RAB38: variants seen among roughly 807,000 people sequenced by gnomAD.
RAB38 encodes the protein ras-related protein Rab-38.
RAB38 carries 15 observed loss-of-function variants against 18.4 expected under a neutral mutation model. That is an observed-to-expected ratio of 0.82 (90% CI 0.55 to 1.26). The LOEUF is 1.26. RAB38 is among the 50% of genes most tolerant of loss of function. RAB38 has a pLI of 0.00. For missense variants in RAB38, 294 were observed against 267.4 expected (o/e 1.10, Z -0.69); for synonymous variants, 101 against 104.4 (o/e 0.97, Z 0.20).
At chr11:87,931,818 G>T in the RAB38 span, among the ~76,000 whole-genome samples, 6 of 151,862 alleles carry the variant, frequency 4.0e-5, no homozygotes, top group Admixed American at 3.9e-4. Context: ...TTTAAGTGTG[G>T]ACAAGAACAA....
the RAB38 span, among the ~76,000 whole-genome samples, chr11:87,933,918 T>C: frequency 1.3e-5 from 2 of 152,086 alleles, no homozygotes; most frequent in Non-Finnish European, 1.5e-5. Context: ...GAGAAAAACC[T>C]GGAACATGGC....
chr11:87,959,644 C>A, the RAB38 span, among the ~76,000 whole-genome samples: 2 of 152,292 alleles, frequency 1.3e-5, no homozygotes, highest in South Asian at 2.1e-4. Context: ...GCCAAATATC[C>A]AGGTTCTCAC....
At chr11:87,976,754 A>G in the RAB38 span, among the ~76,000 whole-genome samples, 2 of 115,818 alleles carry the variant, frequency 1.7e-5, no homozygotes, top group Non-Finnish European at 3.3e-5. Flanking sequence ...ATATATTTAT[A>G]TATATTTCAC....
chr11:87,971,129 C>T, the RAB38 span, among the ~76,000 whole-genome samples: 12 of 152,124 alleles, frequency 7.9e-5, no homozygotes, highest in South Asian at 2.5e-3. Context: ...ATGATTCCTG[C>T]CTGATTATCA....
chr11:87,941,174 A>AT, the RAB38 span, among the ~76,000 whole-genome samples: 1 of 133,156 alleles, frequency 7.5e-6, no homozygotes, highest in African/African-American at 2.8e-5. Flanking sequence ...TATCGTATGT[A>AT]TTTTATATAT....
chr11:87,891,956 T>C, the RAB38 span, among the ~76,000 whole-genome samples: 65 of 151,988 alleles, frequency 4.3e-4, 1 homozygote, highest in African/African-American at 1.6e-3. Flanking sequence ...ATATAGTAAT[T>C]GTTTGACTGC....
chr11:87,878,752 C>T, the RAB38 span, among the ~76,000 whole-genome samples: 1 of 151,682 alleles, frequency 6.6e-6, no homozygotes, highest in African/African-American at 2.4e-5. Flanking sequence ...CTTACATCTG[C>T]AAAAGCAATG....
At chr11:88,089,928 G>T in the RAB38 span, among the ~76,000 whole-genome samples, 1 of 151,916 alleles carries the variant, frequency 6.6e-6, no homozygotes, top group South Asian at 2.1e-4. Context: ...TTGGATAAGT[G>T]GGATTGGTGC....
the RAB38 span, among the ~76,000 whole-genome samples, chr11:87,857,720 T>G: frequency 6.6e-6 from 1 of 152,210 alleles, no homozygotes; most frequent in Non-Finnish European, 1.5e-5. Flanking sequence ...TGTTTGTTTT[T>G]TTCTTGTAAG....
At chr11:87,837,842 T>G in the RAB38 span, among the ~76,000 whole-genome samples, 2 of 152,188 alleles carry the variant, frequency 1.3e-5, no homozygotes, top group Admixed American at 1.3e-4. Context: ...GGAAAGGCAG[T>G]GATGACAAAA....
the RAB38 span, among the ~76,000 whole-genome samples, chr11:87,973,327 T>C: frequency 1.3e-3 from 205 of 152,188 alleles, 4 homozygotes; most frequent in Admixed American, 0.011. Context: ...TCTAGATTCT[T>C]GCCATGAAAG....
chr11:88,026,932 T>A, the RAB38 span, among the ~76,000 whole-genome samples: 1 of 152,212 alleles, frequency 6.6e-6, no homozygotes, highest in East Asian at 1.9e-4. Flanking sequence ...ACATTTTACA[T>A]AATTGGCCTG....
At chr11:88,094,238 T>G in the RAB38 span, among the ~76,000 whole-genome samples, 1 of 151,892 alleles carries the variant, frequency 6.6e-6, no homozygotes, top group African/African-American at 2.4e-5. Context: ...AATTCCTAGA[T>G]AGATACACAG....
chr11:87,850,718 A>ACG, the RAB38 span, among the ~76,000 whole-genome samples: 1 of 117,826 alleles, frequency 8.5e-6, no homozygotes, highest in East Asian at 2.8e-4. Context: ...ACACTGCCAC[A>ACG]CACACACACA....
chr11:87,840,927 A>G, the RAB38 span, among the ~76,000 whole-genome samples: 6,480 of 152,236 alleles, frequency 0.043, 157 homozygotes, highest in African/African-American at 0.071. Context: ...CATAGTGATT[A>G]AAGTTCTCGT....
chr11:88,121,848 T>C (rs112371793), intron 2 of RAB38, among the ~76,000 whole-genome samples: 9,899 of 151,764 alleles, frequency 0.065, 502 homozygotes, highest in African/African-American at 0.14. Context: ...AGGCGTGAGC[T>C]GCCGCGCCGG....
chr11:87,848,913 C>A, the RAB38 span, among the ~76,000 whole-genome samples: 1 of 152,018 alleles, frequency 6.6e-6, no homozygotes. Flanking sequence ...AATGCCAACC[C>A]CAATGTGGCC....
chr11:88,118,840 A>T (rs1228065527), intron 2 of RAB38, among the ~76,000 whole-genome samples: 2 of 152,202 alleles, frequency 1.3e-5, no homozygotes, highest in East Asian at 3.8e-4. Flanking sequence ...AAACAAATGG[A>T]GTTAATTAAG....
At chr11:87,942,037 C>T in the RAB38 span, among the ~76,000 whole-genome samples, 4 of 152,198 alleles carry the variant, frequency 2.6e-5, no homozygotes, top group African/African-American at 9.6e-5. Context: ...GTAACTTTCT[C>T]ACAAGAAAAT....
Sources: allele counts gnomAD v4.1 joint callset (sites outside exome capture counted in the v4.1 genomes callset), GRCh38; gene constraint gnomAD v4.1.1; transcripts MANE v1.5; gene names NCBI Gene and HGNC (gene_info 2026-07-23, HGNC 2026-07-21).